RFX3: variants seen among roughly 807,000 people sequenced by gnomAD.
The protein encoded by RFX3 is transcription factor RFX3.
RFX3 carries 14 observed loss-of-function variants against 98.6 expected under a neutral mutation model. The observed-to-expected ratio is 0.14, with a 90% CI of 0.09 to 0.22. The LOEUF (loss-of-function observed/expected upper bound fraction) is 0.22, where lower values mean the gene tolerates loss of function less well. Ranked by LOEUF, RFX3 falls within the 10% of genes least tolerant of loss-of-function variation. The pLI is 1.00. For missense variants in RFX3, 639 were observed against 926.9 expected (o/e 0.69, Z 4.03); for synonymous variants, 383 against 328.4 (o/e 1.17, Z -1.80).
chr9:3,378,541 T>G (rs1000296289), intron 2 of RFX3, among the ~76,000 whole-genome samples: 3 of 150,758 alleles, frequency 2.0e-5, no homozygotes, highest in Non-Finnish European at 4.4e-5. Context: ...TTCTTTCTCA[T>G]ATTTTTTTTC....
intron 1 of RFX3, among the ~76,000 whole-genome samples, chr9:3,446,088 G>A (rs920233171): frequency 3.3e-5 from 5 of 152,120 alleles, no homozygotes; most frequent in East Asian, 1.9e-4. Flanking sequence ...GCCCAAGCCC[G>A]ATGCCTGATA....
chr9:3,475,110 A>G (rs12351350), intron 1 of RFX3, among the ~76,000 whole-genome samples: 1 of 151,452 alleles, frequency 6.6e-6, no homozygotes, highest in African/African-American at 2.4e-5. Context: ...CAAAAAAAAA[A>G]AAAGAAAGAA....
chr9:3,408,593 G>GTCTCTCTC (rs746689896), intron 1 of RFX3, among the ~76,000 whole-genome samples: 22 of 148,022 alleles, frequency 1.5e-4, no homozygotes, highest in Middle Eastern at 3.5e-3. Context: ...CTCTGTCTCT[G>GTCTCTCTC]TCTCTCTCTC....
chr9:3,246,473 G>C (rs1820690219), intron 15 of RFX3, among the ~76,000 whole-genome samples: 1 of 152,138 alleles, frequency 6.6e-6, no homozygotes, highest in African/African-American at 2.4e-5. Context: ...CATGCATCAA[G>C]ATTAGCCACA....
intron 6 of RFX3, among the ~76,000 whole-genome samples, chr9:3,292,266 C>G (rs1168326682): frequency 6.6e-6 from 1 of 151,648 alleles, no homozygotes; most frequent in Non-Finnish European, 1.5e-5. Flanking sequence ...AAATATTTAT[C>G]TTATGATAAT....
intron 8 of RFX3, 133 bp downstream of exon 8, chr9:3,277,207 A>C (rs1383665655): frequency 1.3e-6 from 1 of 771,006 alleles, no homozygotes; most frequent in East Asian, 2.5e-5. Flanking sequence ...TGTTATACAT[A>C]TGATGTGCAT....
chr9:3,392,988 G>C (rs999900818), intron 2 of RFX3, among the ~76,000 whole-genome samples: 6 of 121,178 alleles, frequency 5.0e-5, no homozygotes, highest in African/African-American at 1.9e-4. Context: ...TGAAATTATT[G>C]TTTTTGTACC....
intron 1 of RFX3, among the ~76,000 whole-genome samples, chr9:3,493,577 A>G (rs890656576): frequency 4.6e-5 from 7 of 150,710 alleles, no homozygotes; most frequent in Admixed American, 3.3e-4. Flanking sequence ...CCAGCTACTC[A>G]GGAGGCTGTG....
chr9:3,488,902 C>A, intron 1 of RFX3: 2 of 984,652 alleles, frequency 2.0e-6, no homozygotes, highest in Non-Finnish European at 2.4e-6. Flanking sequence ...GCTGCTAAAA[C>A]AAAGACCATA....
intron 3 of RFX3, among the ~76,000 whole-genome samples, chr9:3,340,999 C>A (rs1275955920): frequency 3.9e-5 from 6 of 152,184 alleles, no homozygotes; most frequent in Admixed American, 3.9e-4. Context: ...CACTTGGAAC[C>A]AACCCAATTG....
chr9:3,418,258 T>G (rs527384522), intron 1 of RFX3, among the ~76,000 whole-genome samples: 2 of 152,226 alleles, frequency 1.3e-5, no homozygotes, highest in Non-Finnish European at 2.9e-5. Context: ...TTAGAGTGAT[T>G]ATAAAGATTC....
chr9:3,447,177 T>C (rs1361993679), intron 1 of RFX3, among the ~76,000 whole-genome samples: 4 of 152,128 alleles, frequency 2.6e-5, no homozygotes, highest in Admixed American at 6.6e-5. Flanking sequence ...TTTTGATTTA[T>C]GCTAAAAAGC....
At chr9:3,465,457 A>AC (rs1848119694) in intron 1 of RFX3, among the ~76,000 whole-genome samples, 1 of 63,190 alleles carries the variant, frequency 1.6e-5, no homozygotes, top group Admixed American at 2.1e-4. Flanking sequence ...TGCCCAGGTA[A>AC]CTTTTTTTTT....
At chr9:3,292,433 T>C (rs553522346) in intron 6 of RFX3, among the ~76,000 whole-genome samples, 2 of 152,172 alleles carry the variant, frequency 1.3e-5, no homozygotes, top group Admixed American at 6.5e-5. Context: ...CTATACTATG[T>C]TTTTCCTTCC....
chr9:3,376,881 A>T (rs992627704), intron 2 of RFX3, among the ~76,000 whole-genome samples: 23 of 152,340 alleles, frequency 1.5e-4, no homozygotes, highest in African/African-American at 5.5e-4. Flanking sequence ...ATGCAAATCA[A>T]AACCACTATG....
intron 1 of RFX3, among the ~76,000 whole-genome samples, chr9:3,508,027 G>C (rs1587896763): frequency 6.6e-6 from 1 of 152,036 alleles, no homozygotes; most frequent in African/African-American, 2.4e-5. Context: ...TTTCTTAAAC[G>C]ACTCTGACGA....
intron 1 of RFX3, among the ~76,000 whole-genome samples, chr9:3,467,061 T>TATATATAAGTATATATGTATATACATAC (rs1196455687): frequency 1.4e-5 from 2 of 144,282 alleles, no homozygotes; most frequent in Non-Finnish European, 3.0e-5. Context: ...TATACATACA[T>TATATATAAGTATATATGTATATACATAC]ATATATAAGT....
chr9:3,331,541 G>C (rs908803349), intron 3 of RFX3, among the ~76,000 whole-genome samples: 2 of 151,892 alleles, frequency 1.3e-5, no homozygotes, highest in Non-Finnish European at 2.9e-5. Context: ...ATTCCTGAGA[G>C]TTTGGTGTAT....
intron 12 of RFX3, among the ~76,000 whole-genome samples, chr9:3,263,434 C>T (rs1823182077): frequency 6.6e-6 from 1 of 151,986 alleles, no homozygotes; most frequent in African/African-American, 2.4e-5. Flanking sequence ...CTTTTTTTTA[C>T]TGTTCTTTGG....
Sources: gnomAD v4.1 joint callset for allele counts (sites outside exome capture counted in the v4.1 genomes callset) on GRCh38, gnomAD v4.1.1 for gene constraint, MANE v1.5 for transcripts, NCBI Gene and HGNC (gene_info 2026-07-23, HGNC 2026-07-21) for gene names.